The following NWD1 variants were observed in gnomAD, a reference collection of about 807,000 sequenced individuals.
The protein encoded by NWD1 is NACHT and WD repeat domain containing 1.
In NWD1, 129 loss-of-function variants were observed where a neutral mutation model predicts 135.1. That is an observed-to-expected ratio of 0.96 (90% confidence interval 0.83 to 1.11). NWD1 has a LOEUF of 1.11. Ranked by LOEUF, NWD1 falls within the 50% of genes least tolerant of loss-of-function variation. The pLI is 0.00. For missense variants in NWD1, 1,740 were observed against 1,851.3 expected (o/e 0.94, Z 1.10); for synonymous variants, 773 against 786.0 (o/e 0.98, Z 0.28).
Position 16,758,511 on chromosome 19 carries a change from G to T in NWD1, c.1770-714G>T, listed in dbSNP as rs534559409. 1.9e-3 allele frequency among the ~76,000 whole-genome samples: 295 copies of T among 152,098 alleles called. 1 individual carries two copies. The highest frequency in any genetic ancestry group is 3.5e-3 in the Non-Finnish European group (240 of 67,982). ...TAGGCTGGTCTTGAGCTCTGGCCTC[G>T]AGCAGTCCTCCTGCCTCAGCCTCCC... On this transcript the variant is annotated intron_variant, in intron 6 of 18. Transcript: ENST00000524140.
intron 12 of NWD1, among the ~76,000 whole-genome samples, chr19:16,783,873 C>T (rs1293038741): frequency 6.6e-6 from 1 of 151,948 alleles, no homozygotes; most frequent in Non-Finnish European, 1.5e-5. Context: ...TTACATAGCA[C>T]GTATGCCATA....
At chr19:16,725,660 C>T (rs1967300322) in intron 2 of NWD1, among the ~76,000 whole-genome samples, 1 of 152,118 alleles carries the variant, frequency 6.6e-6, no homozygotes, top group South Asian at 2.1e-4. Flanking sequence ...TCAAGCGATG[C>T]TTCCGCCTCA....
intron 14 of NWD1, 106 bp downstream of exon 14, chr19:16,791,728 T>C (rs1192171686): frequency 1.5e-5 from 18 of 1,224,396 alleles, no homozygotes; most frequent in Non-Finnish European, 2.0e-5. Flanking sequence ...TTGTTTTGTT[T>C]TGGAGATGAA....
intron 12 of NWD1, among the ~76,000 whole-genome samples, chr19:16,786,192 A>G (rs769467216): frequency 1.2e-4 from 18 of 149,538 alleles, no homozygotes; most frequent in Non-Finnish European, 1.9e-4. Context: ...TTTTTTTTTT[A>G]GAGACAGGGA....
intron 17 of NWD1, among the ~76,000 whole-genome samples, chr19:16,802,947 CAAAA>C (rs59153702): frequency 1.2e-5 from 1 of 81,872 alleles, no homozygotes. Context: ...GACTCTGTCT[CAAAA>C]AAAAAAAAAA....
chr19:16,731,194 A>G lies in NWD1; in HGVS notation c.-4A>G, dbSNP rs1226259121. On this transcript the variant is annotated splice_region_variant and 5_prime_UTR_variant, in exon 3 of 19. It adds an upstream start codon to the 5' untranslated region. Transcript: ENST00000524140. ...ACCCTCCATGCCCTTCCTTGCAGAT[A>G]TGGATGCAGAGAGGGAAGCCCTGCA... The G allele has an allele frequency of 1.3e-6, 2 of 1,518,976 alleles. No individual in the cohort carries two copies. Among genetic ancestry groups the G allele is most frequent in the Admixed American group, 2.0e-5 (1 of 50,932 alleles). The allele number at this position is 1,518,976 out of a possible 1,614,324, so 94.1% of individuals were successfully genotyped here.
intron 7 of NWD1, among the ~76,000 whole-genome samples, chr19:16,761,767 C>G (rs1297334535): frequency 1.3e-5 from 2 of 151,842 alleles, no homozygotes; most frequent in Non-Finnish European, 2.9e-5. Flanking sequence ...AAATGTTCCT[C>G]TTTGAAATGT....
At chr19:16,758,022 A>C (rs902284258) in intron 6 of NWD1, among the ~76,000 whole-genome samples, 2 of 151,710 alleles carry the variant, frequency 1.3e-5, no homozygotes, top group African/African-American at 4.9e-5. Flanking sequence ...ACTGAACTCC[A>C]ACCTAGGCAA....
At chr19:16,768,922 C>A (rs1969320100) in intron 10 of NWD1, among the ~76,000 whole-genome samples, 1 of 152,310 alleles carries the variant, frequency 6.6e-6, no homozygotes, top group Middle Eastern at 3.4e-3. Context: ...ATTCTCCTGG[C>A]CATCAGCCCA....
intron 5 of NWD1, among the ~76,000 whole-genome samples, chr19:16,747,903 C>T (rs1484639348): frequency 6.6e-6 from 1 of 152,156 alleles, no homozygotes; most frequent in Non-Finnish European, 1.5e-5. Context: ...GTACTTCATC[C>T]ATTTCAATGG....
At chr19:16,743,920 T>C (rs1968193020) in intron 4 of NWD1, among the ~76,000 whole-genome samples, 1 of 150,858 alleles carries the variant, frequency 6.6e-6, no homozygotes, top group Non-Finnish European at 1.5e-5. Context: ...TGACCTCAGG[T>C]AATCCACCCG....
chr19:16,811,905 A>C (rs1402102411), intron 18 of NWD1, among the ~76,000 whole-genome samples: 1 of 152,066 alleles, frequency 6.6e-6, no homozygotes, highest in Non-Finnish European at 1.5e-5. Flanking sequence ...AGTCCCAGCT[A>C]CCTGGAAGGC....
At position 16,765,054 on chromosome 19, in the gene NWD1, T is replaced by C; in HGVS notation, c.2272T>C (p.Cys758Arg). The stretch of plus-strand genomic sequence containing the variant: ...CTCAGGCAGCATGAGCTGGATTTCC[T>C]GCCGGGGCATCTCTGGGGGCATTGA... ...EVLGSMSWIS[C>R]RGISGGIEDL... The change falls in exon 10 of 19, where the codon TGC becomes CGC. Residue 758 changes from cysteine (C) to arginine (R), a missense_variant. Physicochemically the swap from Cys to Arg is radical, Grantham distance 180. Transcript: ENST00000524140. The C allele has an allele frequency of 6.2e-7, 1 of 1,614,142 alleles. No individual in the cohort carries two copies.
rs375618349 is a variant in NWD1, at chr19:16,762,552, TCAAAAA to T, written c.2133+419_2133+424del. Among the ~76,000 whole-genome samples, 317 of 148,576 alleles carry T rather than the reference TCAAAAA, an allele frequency of 2.1e-3. 1 individual carries two copies. The highest frequency in any genetic ancestry group is 7.6e-3 in the African/African-American group (297 of 38,926). Reference sequence around the variant, plus strand: ...CTGGGCAACAGAGAGAAACTCTGTCTCAAAAACAAACAAACAAACAAAGTACAGAGT... The same window carrying T: ...CTGGGCAACAGAGAGAAACTCTGTCTCAAACAAACAAACAAAGTACAGAGT... On this transcript the variant is annotated intron_variant, in intron 8 of 18. Coordinates refer to ENST00000524140, the MANE Select transcript of NWD1 (RefSeq NM_001007525.5).
Position 16,807,678 on chromosome 19 carries a change from G to A in NWD1, c.3829G>A (p.Gly1277Arg). ...RKLLFTGLVS[G>R]VVLVFPLNSR... ...GCTCCTATTTACGGGCCTCGTGTCG[G>A]GGGTCGTCCTTGTGTTCCCCCTGAA... is the stretch of plus-strand genomic sequence containing the variant. The change falls in exon 18 of 19, where the codon GGG (glycine) becomes AGG (arginine). Residue 1277 changes from glycine (G) to arginine (R), a missense_variant. Physicochemically the swap from Gly to Arg is moderately radical, Grantham distance 125 (BLOSUM62 -2). Coordinates refer to ENST00000524140, the MANE Select transcript of NWD1 (RefSeq NM_001007525.5). The A allele has an allele frequency of 6.2e-7, 1 of 1,611,390 alleles. No individual in the cohort carries two copies.
intron 2 of NWD1, chr19:16,727,548 G>A (rs1215547201): frequency 6.6e-6 from 1 of 152,648 alleles, no homozygotes; most frequent in African/African-American, 2.4e-5. Flanking sequence ...CTTGGTGGGT[G>A]GGCGGCAATG....
chr19:16,732,677 T>TAAAAAAAAAAAAAAA lies in NWD1; in HGVS notation c.81+1399_81+1400insAAAAAAAAAAAAAAA, dbSNP rs1464805489. On this transcript the variant is annotated intron_variant, in intron 3 of 18. Coordinates refer to ENST00000524140, the MANE Select transcript of NWD1 (RefSeq NM_001007525.5). Reference sequence around the variant, plus strand: ...CTCAAAAAAAAAAAAAAAGAAAAAGTGAAAAAGTGCAGTGGTGTGATCTCA... The same window carrying TAAAAAAAAAAAAAAA: ...CTCAAAAAAAAAAAAAAAGAAAAAGTAAAAAAAAAAAAAAAGAAAAAGTGCAGTGGTGTGATCTCA... Among the ~76,000 whole-genome samples the TAAAAAAAAAAAAAAA allele has an allele frequency of 2.8e-3, 242 of 85,080 alleles. 34 individuals carry two copies. Among genetic ancestry groups the TAAAAAAAAAAAAAAA allele is most frequent in the African/African-American group, 0.014 (223 of 16,116 alleles). The allele number at this position is 85,080 out of a possible 152,430, so 55.8% of individuals were successfully genotyped here.
intron 12 of NWD1, among the ~76,000 whole-genome samples, chr19:16,780,227 C>T (rs987294371): frequency 6.6e-6 from 1 of 151,458 alleles, no homozygotes; most frequent in Non-Finnish European, 1.5e-5. Context: ...GCAATCTCGG[C>T]TCACTGTAAG....
At chr19:16,748,521 C>CT (rs1968414803) in intron 5 of NWD1, among the ~76,000 whole-genome samples, 2 of 151,696 alleles carry the variant, frequency 1.3e-5, no homozygotes, top group African/African-American at 4.8e-5. Context: ...CCTGAGGGGT[C>CT]TTTGATTAAT....
Sources: allele counts gnomAD v4.1 joint callset (sites outside exome capture counted in the v4.1 genomes callset), GRCh38; gene constraint gnomAD v4.1.1; transcripts MANE v1.5; gene names NCBI Gene and HGNC (gene_info 2026-07-23, HGNC 2026-07-21).